The following EFR3A variants were observed in gnomAD, a reference collection of about 807,000 sequenced individuals.
EFR3A encodes protein EFR3 homolog A.
Under a neutral mutation model 104.4 loss-of-function variants are expected in EFR3A, and 76 were observed. The ratio of observed to expected loss-of-function variants is 0.73; its 90% confidence interval spans 0.60 to 0.88. The LOEUF (loss-of-function observed/expected upper bound fraction) is 0.88, where lower values mean the gene tolerates loss of function less well. Among genes scored for constraint, EFR3A ranks in the 40% least tolerant of loss-of-function variants. The probability of loss-of-function intolerance (pLI) is 0.00; values close to 1 mark genes in which losing one functional copy is unlikely to be tolerated. For synonymous variants in EFR3A, 330 were observed against 330.0 expected (o/e 1.00, Z 0.00); for missense variants, 985 against 1,012.5 (o/e 0.97, Z 0.37).
At chr8:131,989,811 G>C (rs1391332561) in intron 18 of EFR3A, among the ~76,000 whole-genome samples, 1 of 152,182 alleles carries the variant, frequency 6.6e-6, no homozygotes, top group Admixed American at 6.5e-5. Flanking sequence ...GTGATAACTA[G>C]ATCTAGAGAA....
At chr8:131,969,840 AG>A (rs1185476127) in intron 9 of EFR3A, among the ~76,000 whole-genome samples, 1 of 152,200 alleles carries the variant, frequency 6.6e-6, no homozygotes, top group East Asian at 1.9e-4. Context: ...ATACGTTTGA[AG>A]AGGCATTTAA....
intron 10 of EFR3A, among the ~76,000 whole-genome samples, chr8:131,973,692 A>G (rs1820188645): frequency 6.6e-6 from 1 of 152,276 alleles, no homozygotes; most frequent in African/African-American, 2.4e-5. Context: ...CAGGGCTGCT[A>G]TAGCTTTTGC....
Position 131,904,177 on chromosome 8 carries a change from T to A in EFR3A, c.-136T>A, listed in dbSNP as rs1816118609. On this transcript the variant is annotated 5_prime_UTR_variant, in exon 1 of 23. Coordinates refer to ENST00000254624, the MANE Select transcript of EFR3A (RefSeq NM_015137.6). The stretch of plus-strand genomic sequence containing the variant: ...GCGTGACCGCGGGGTCCGCGTCCGC[T>A]CCCTCCACCCTTCGCCCTTCGCCCT... 1 of 1,030,634 alleles carries A rather than the reference T, an allele frequency of 9.7e-7. No homozygotes were observed. The highest frequency in any genetic ancestry group is 1.2e-6 in the Non-Finnish European group (1 of 804,150). 63.8% of individuals were successfully genotyped at this position (1,030,634 alleles called of 1,614,324 possible).
At chr8:131,962,566 G>A (rs1167839773) in intron 8 of EFR3A, among the ~76,000 whole-genome samples, 5 of 152,060 alleles carry the variant, frequency 3.3e-5, no homozygotes, top group South Asian at 2.1e-4. Context: ...AAAGCAAGTC[G>A]TTAGAGACTA....
At chr8:131,951,206 A>G (rs193207327) in intron 5 of EFR3A, among the ~76,000 whole-genome samples, 2 of 152,276 alleles carry the variant, frequency 1.3e-5, no homozygotes, top group East Asian at 1.9e-4. Flanking sequence ...AAGAAAGCTT[A>G]AAGGTGATTA....
chr8:131,964,728 A>T (rs1819597306), intron 8 of EFR3A, among the ~76,000 whole-genome samples: 1 of 152,292 alleles, frequency 6.6e-6, no homozygotes, highest in East Asian at 1.9e-4. Flanking sequence ...TAAAGTTCAT[A>T]TGGAACCAAA....
chr8:131,909,924 T>C (rs1415302808), intron 1 of EFR3A, among the ~76,000 whole-genome samples: 5 of 152,224 alleles, frequency 3.3e-5, no homozygotes, highest in Admixed American at 6.5e-5. Flanking sequence ...GCCCGCAGCC[T>C]GGCCTGCTTT....
intron 1 of EFR3A, among the ~76,000 whole-genome samples, chr8:131,926,134 T>C (rs1586545585): frequency 1.3e-5 from 2 of 152,286 alleles, no homozygotes; most frequent in East Asian, 3.9e-4. Flanking sequence ...ACTAGCTTCA[T>C]GTTATAAAAA....
At chr8:131,916,653 C>T (rs1387470028) in intron 1 of EFR3A, among the ~76,000 whole-genome samples, 7 of 152,016 alleles carry the variant, frequency 4.6e-5, no homozygotes, top group South Asian at 2.1e-4. Flanking sequence ...GCACAGGAAC[C>T]GAAGAGGGAG....
At chr8:131,914,403 C>T (rs1462811516) in intron 1 of EFR3A, among the ~76,000 whole-genome samples, 1 of 152,196 alleles carries the variant, frequency 6.6e-6, no homozygotes, top group East Asian at 1.9e-4. Context: ...TATACAGAAG[C>T]TCCTTCCCCT....
intron 6 of EFR3A, among the ~76,000 whole-genome samples, chr8:131,954,559 A>G (rs575865463): frequency 1.3e-5 from 2 of 151,608 alleles, no homozygotes; most frequent in Admixed American, 6.6e-5. Context: ...ACTTTTTCAA[A>G]TACTAGAAGC....
At chr8:131,990,706 T>C (rs997361468) in intron 18 of EFR3A, among the ~76,000 whole-genome samples, 1 of 152,134 alleles carries the variant, frequency 6.6e-6, no homozygotes, top group Non-Finnish European at 1.5e-5. Flanking sequence ...TTTGATGGCA[T>C]GTTAGTCATC....
intron 22 of EFR3A, among the ~76,000 whole-genome samples, chr8:132,009,357 G>C (rs1464285808): frequency 6.6e-6 from 1 of 152,000 alleles, no homozygotes; most frequent in Non-Finnish European, 1.5e-5. Flanking sequence ...ATTTTAGTAA[G>C]ATAATTTTTT....
intron 10 of EFR3A, among the ~76,000 whole-genome samples, chr8:131,974,647 G>A (rs2130718401): frequency 6.6e-6 from 1 of 152,174 alleles, no homozygotes. Flanking sequence ...AGACTCAAAA[G>A]GTTATTTTGC....
chr8:131,935,440 G>A, intron 1 of EFR3A: 1 of 400,556 alleles, frequency 2.5e-6, no homozygotes, highest in East Asian at 8.4e-5. Context: ...CAGGTGCTGT[G>A]ATAGAAATAT....
chr8:131,936,421 A>C (rs1263345299), intron 1 of EFR3A, among the ~76,000 whole-genome samples: 1 of 152,084 alleles, frequency 6.6e-6, no homozygotes, highest in African/African-American at 2.4e-5. Flanking sequence ...CAATATTTAC[A>C]TGGAGGTAGT....
intron 14 of EFR3A, among the ~76,000 whole-genome samples, chr8:131,982,210 G>A (rs982633929): frequency 2.6e-5 from 4 of 151,882 alleles, no homozygotes; most frequent in Admixed American, 2.0e-4. Context: ...TATACATTAT[G>A]TCCTTGAACT....
At chr8:131,985,883 G>T (rs530656374) in intron 16 of EFR3A, among the ~76,000 whole-genome samples, 1 of 152,306 alleles carries the variant, frequency 6.6e-6, no homozygotes, top group Non-Finnish European at 1.5e-5. Flanking sequence ...TTCCAAAATA[G>T]TGCATTTGAG....
At chr8:132,001,172 T>C (rs1256302388) in intron 19 of EFR3A, among the ~76,000 whole-genome samples, 1 of 152,208 alleles carries the variant, frequency 6.6e-6, no homozygotes, top group Non-Finnish European at 1.5e-5. Context: ...TTGAAAGACA[T>C]AAGTTAAAAG....
Sources: gnomAD v4.1 joint callset for allele counts (sites outside exome capture counted in the v4.1 genomes callset) on GRCh38, gnomAD v4.1.1 for gene constraint, MANE v1.5 for transcripts, NCBI Gene and HGNC (gene_info 2026-07-23, HGNC 2026-07-21) for gene names.